Variants in DOK1 observed in about 807,000 individuals in gnomAD.
DOK1 encodes the protein docking protein 1.
A neutral mutation model predicts 24.0 loss-of-function variants in DOK1; 12 were observed. The observed-to-expected ratio is 0.50, with a 90% CI of 0.32 to 0.81. The LOEUF (loss-of-function observed/expected upper bound fraction) is 0.81, where lower values mean the gene tolerates loss of function less well. DOK1 is among the 30% of genes least tolerant of loss of function. DOK1 has a pLI of 0.03. For synonymous variants in DOK1, 250 were observed against 260.9 expected, an observed-to-expected ratio of 0.96 and a Z score of 0.40; for missense variants, 591 against 620.7, an observed-to-expected ratio of 0.95 and a Z score of 0.51.
At chr2:74,552,345 C>T, upstream of DOK1, 1 of 1,603,672 alleles carries the variant, frequency 6.2e-7, no homozygotes, top group Non-Finnish European at 8.5e-7. Context: ...ATATTTGGCA[C>T]TGTGGGTCCA....
upstream of DOK1, among the ~76,000 whole-genome samples, chr2:74,551,789 G>C (rs1231048507): frequency 6.6e-6 from 1 of 152,240 alleles, no homozygotes; most frequent in Non-Finnish European, 1.5e-5. Context: ...ACAGTCCTAG[G>C]CCTCACCTAG....
At chr2:74,552,811 GAA>G, upstream of DOK1, 3 of 628,962 alleles carry the variant, frequency 4.8e-6, no homozygotes, top group Non-Finnish European at 8.1e-6. Context: ...GACAGGGAGA[GAA>G]ACACATTAAA....
In DOK1 at chr2:74,555,530, T is replaced by C; in HGVS notation, c.361-45T>C. On this transcript the variant is annotated intron_variant, in intron 2 of 4. Coordinates refer to ENST00000233668, the MANE Select transcript of DOK1 (RefSeq NM_001381.5). This position sits in a 1 kb window ranked among gnomAD's most constrained non-coding sequence, Gnocchi z 6.1. Reference sequence around the variant, plus strand: ...GGGGCTGCCTCAGACCGACCCCCGCTCCCCGCTGAGGAAATTACGGGTTTC... The same window carrying C: ...GGGGCTGCCTCAGACCGACCCCCGCCCCCCGCTGAGGAAATTACGGGTTTC... 6.2e-7 allele frequency: 1 copy of C among 1,613,534 alleles called. No individual in the cohort carries two copies. Among genetic ancestry groups the C allele is most frequent in the Non-Finnish European group, 8.5e-7 (1 of 1,179,852 alleles).
chr2:74,555,935 GA>G lies in DOK1; in HGVS notation c.497del (p.Glu166GlyfsTer11). On this transcript the variant is annotated frameshift_variant, in exon 4 of 5. Coordinates refer to ENST00000233668, the MANE Select transcript of DOK1 (RefSeq NM_001381.5). LOFTEE classifies it high-confidence loss of function. The surrounding 1 kb of genome is among the most constrained non-coding windows in gnomAD (Gnocchi z 6.1). ...WVTVQRTEAA[E>X]RCGLHGSYVL... Reference sequence around the variant, plus strand: ...AACGGTGCAGAGGACTGAGGCCGCCGAGCGCTGTGGCCTGCATGGCTCCTAC... The same window carrying G: ...AACGGTGCAGAGGACTGAGGCCGCCGGCGCTGTGGCCTGCATGGCTCCTAC... 1 of 1,613,006 alleles carries G rather than the reference GA, an allele frequency of 6.2e-7. No individual in the cohort carries two copies. Among genetic ancestry groups the G allele is most frequent in the African/African-American group, 1.3e-5 (1 of 75,022 alleles).
At chr2:74,549,758 A>G, upstream of DOK1, 2 of 1,433,380 alleles carry the variant, frequency 1.4e-6, no homozygotes, top group Non-Finnish European at 1.8e-6. This position sits in a 1 kb window ranked among gnomAD's most constrained non-coding sequence, Gnocchi z 5.3. Flanking sequence ...ACTCTCTTGC[A>G]GCCAGCAGCG....
In DOK1 at chr2:74,549,253, G is replaced by T; in HGVS notation, c.-358+81G>T. On this transcript the variant is annotated intron_variant, in intron 1 of 4. Transcript: ENST00000409429. The surrounding 1 kb of genome is among the most constrained non-coding windows in gnomAD (Gnocchi z 5.3). ...TGCAACGGCCTCCATATTTTCCCGCGCGTCCCGACCCCCGGGTCCTCCCGT... is the reference window on the plus strand; with the variant it reads ...TGCAACGGCCTCCATATTTTCCCGCTCGTCCCGACCCCCGGGTCCTCCCGT... 8.4e-7 allele frequency: 1 copy of T among 1,196,940 alleles called. No homozygotes were observed. The highest frequency in any genetic ancestry group is 1.1e-6 in the Non-Finnish European group (1 of 894,144). 74.1% of individuals were successfully genotyped at this position (1,196,940 alleles called of 1,614,324 possible).
In DOK1 at chr2:74,556,912, G is replaced by A. The variant is rs200035741; in HGVS notation, c.1244G>A (p.Arg415Gln). The change falls in exon 5 of 5, where the codon CGG (arginine) becomes CAG (glutamine). Residue 415 changes from arginine (R) to glutamine (Q), a missense_variant. Transcript: ENST00000233668. The surrounding 1 kb of genome is among the most constrained non-coding windows in gnomAD (Gnocchi z 4.1). ...GATGACTACGCTGTGCCACCCCCTCGGAGCACAAAGCCCCTCCTTGCTCCC... is the reference window on the plus strand; with the variant it reads ...GATGACTACGCTGTGCCACCCCCTCAGAGCACAAAGCCCCTCCTTGCTCCC... ...ATDDYAVPPP[R>Q]STKPLLAPKP... The A allele has an allele frequency of 8.7e-6, 14 of 1,614,134 alleles. No homozygotes were observed. The East Asian group carries it at 1.3e-4, about 15-fold the overall frequency.
chr2:74,555,324 C>T lies in DOK1; in HGVS notation c.231C>T (p.Thr77=), dbSNP rs1279020508. The change falls in exon 2 of 5, where the codon ACC becomes ACT. Residue 77 remains threonine, a synonymous_variant. Coordinates refer to ENST00000233668, the MANE Select transcript of DOK1 (RefSeq NM_001381.5). The surrounding 1 kb of genome is among the most constrained non-coding windows in gnomAD (Gnocchi z 6.1). ...AGTGTGTGAGTGTGGCCCCCGTCAC[C>T]GTGGAGACCCCCCCTGAGCCCGGCG... ...LAECVSVAPV[T]VETPPEPGAT... is the part of the protein sequence containing the mutation. 1 of 1,614,008 alleles carries T rather than the reference C, an allele frequency of 6.2e-7. No individual in the cohort carries two copies. The highest frequency in any genetic ancestry group is 1.7e-5 in the Admixed American group (1 of 60,018).
chr2:74,555,548 C>T lies in DOK1; in HGVS notation c.361-27C>T, dbSNP rs376579870. On this transcript the variant is annotated intron_variant, in intron 2 of 4. Coordinates refer to ENST00000233668, the MANE Select transcript of DOK1 (RefSeq NM_001381.5). This position sits in a 1 kb window ranked among gnomAD's most constrained non-coding sequence, Gnocchi z 6.1. ...CCCCCGCTCCCCGCTGAGGAAATTACGGGTTTCTCGATGCTCTCTACTACA... is the reference window on the plus strand; with the variant it reads ...CCCCCGCTCCCCGCTGAGGAAATTATGGGTTTCTCGATGCTCTCTACTACA... The T allele has an allele frequency of 3.3e-4, 529 of 1,613,032 alleles. No homozygotes were observed. Among genetic ancestry groups the T allele is most frequent in the Non-Finnish European group, 4.0e-4 (477 of 1,180,024 alleles).
chr2:74,550,015 A>G (rs1290629539), upstream of DOK1: 1 of 985,202 alleles, frequency 1.0e-6, no homozygotes, highest in Non-Finnish European at 1.2e-6. Flanking sequence ...AATGCTAAAA[A>G]CCTGTTGGAT....
upstream of DOK1, chr2:74,554,636 CCCAGCGGCTG>C (rs1448545933): frequency 2.1e-6 from 2 of 963,002 alleles, no homozygotes; most frequent in African/African-American, 3.3e-5. The surrounding 1 kb of genome is among the most constrained non-coding windows in gnomAD (Gnocchi z 4.9). Context: ...CCGCGACCCC[CCCAGCGGCTG>C]CCGGCGGGGG....
upstream of DOK1, chr2:74,549,747 G>A: frequency 1.4e-6 from 2 of 1,439,652 alleles, no homozygotes; most frequent in South Asian, 1.5e-5. The surrounding 1 kb of genome is among the most constrained non-coding windows in gnomAD (Gnocchi z 5.3). Flanking sequence ...CCGCGGTGTG[G>A]ACTCTCTTGC....
Position 74,556,235 on chromosome 2 carries a change from T to C in DOK1, c.640-73T>C. ...GGTGGTCTCTTCTTTGTAGATACCC[T>C]AACTAGTGCAGGCGTGTGACTCACT... is the stretch of plus-strand genomic sequence containing the variant. On this transcript the variant is annotated intron_variant, in intron 4 of 4. Coordinates refer to ENST00000233668, the MANE Select transcript of DOK1 (RefSeq NM_001381.5). The surrounding 1 kb of genome is among the most constrained non-coding windows in gnomAD (Gnocchi z 4.1). 6.4e-7 allele frequency: 1 copy of C among 1,560,708 alleles called. No homozygotes were observed. Among genetic ancestry groups the C allele is most frequent in the Non-Finnish European group, 8.7e-7 (1 of 1,151,454 alleles).
Position 74,555,472 on chromosome 2 carries a change from G to A in DOK1, c.360+19G>A. On this transcript the variant is annotated intron_variant, in intron 2 of 4. Transcript: ENST00000233668. This position sits in a 1 kb window ranked among gnomAD's most constrained non-coding sequence, Gnocchi z 6.1. ...CTTTCCGGTGAGGAGCTGCGGCGAT[G>A]CGGGGTGGGGGCAGTTACAGAGGCA... The A allele has an allele frequency of 1.9e-6, 3 of 1,607,954 alleles. No homozygotes were observed. Among genetic ancestry groups the A allele is most frequent in the African/African-American group, 2.7e-5 (2 of 75,012 alleles).
In DOK1 at chr2:74,556,589, A is replaced by G. The variant is rs747643049; in HGVS notation, c.921A>G (p.Pro307=). 1.3e-5 allele frequency: 21 copies of G among 1,614,028 alleles called. No individual in the cohort carries two copies. The highest frequency in any genetic ancestry group is 3.3e-4 in the Middle Eastern group (2 of 6,084). ...CCTTAGACTCCCTGCGCATTGCTCC[A>G]TGCCCTTCCCAGGACTCCCTATACT... The part of the protein sequence containing the change: ...AEPLDSLRIA[P]CPSQDSLYSD... Residue 307 remains proline, a synonymous_variant, in exon 5 of 5, where the codon CCA becomes CCG. Transcript: ENST00000233668. This position sits in a 1 kb window ranked among gnomAD's most constrained non-coding sequence, Gnocchi z 4.1.
chr2:74,550,107 T>TA, upstream of DOK1: 1 of 1,517,924 alleles, frequency 6.6e-7, no homozygotes, highest in African/African-American at 1.4e-5. Flanking sequence ...AACTACCTTC[T>TA]AATGTCTCCG....
upstream of DOK1, chr2:74,554,471 C>G (rs578125385): frequency 2.9e-5 from 15 of 515,750 alleles, no homozygotes; most frequent in African/African-American, 2.6e-4. The surrounding 1 kb of genome is among the most constrained non-coding windows in gnomAD (Gnocchi z 4.9). Flanking sequence ...GCGCAGCCAC[C>G]ACGCCCAGAG....
chr2:74,553,310 C>T (rs1438064429), upstream of DOK1, among the ~76,000 whole-genome samples: 1 of 152,180 alleles, frequency 6.6e-6, no homozygotes, highest in Non-Finnish European at 1.5e-5. Flanking sequence ...GGAAGGCTGG[C>T]ACCAAAGCTC....
At position 74,557,146 on chromosome 2, in the gene DOK1, G is replaced by T. The variant is rs764214036; in HGVS notation, c.*32G>T. On this transcript the variant is annotated 3_prime_UTR_variant, in exon 5 of 5. Transcript: ENST00000233668. ...CGGCAAGGCTGAGGTGGCTAAGGGG[G>T]ACCATGGGGAGGTGGCACTAGGGAT... is the stretch of plus-strand genomic sequence containing the variant. 2.5e-6 allele frequency: 4 copies of T among 1,571,954 alleles called. No individual in the cohort carries two copies. Among genetic ancestry groups the T allele is most frequent in the Non-Finnish European group, 3.5e-6 (4 of 1,156,082 alleles).
Sources: allele counts gnomAD v4.1 joint callset (sites outside exome capture counted in the v4.1 genomes callset), GRCh38; gene constraint gnomAD v4.1.1; non-coding constraint Gnocchi (gnomAD v3.1); transcripts MANE v1.5; gene names NCBI Gene and HGNC (gene_info 2026-07-23, HGNC 2026-07-21).